EYS: variants seen among roughly 807,000 people sequenced by gnomAD.
EYS encodes protein eyes shut homolog.
Under a neutral mutation model 282.1 loss-of-function variants are expected in EYS, and 250 were observed. The ratio of observed to expected loss-of-function variants is 0.89; its 90% CI spans 0.80 to 0.98. The LOEUF (loss-of-function observed/expected upper bound fraction) is 0.98. EYS is among the 50% of genes least tolerant of loss of function. The pLI, the probability that EYS is intolerant of heterozygous loss-of-function variation, is 0.00. For synonymous variants in EYS, 1,355 were observed against 1,282.9 expected (o/e 1.06, Z -1.20); for missense variants, 4,016 against 3,709.0 (o/e 1.08, Z -2.15).
At chr6:64,393,130 C>T (rs1438753725) in intron 28 of EYS, among the ~76,000 whole-genome samples, 4 of 152,052 alleles carry the variant, frequency 2.6e-5, no homozygotes, top group Non-Finnish European at 4.4e-5. Flanking sequence ...GAAATTGTGG[C>T]AATAATCAAT....
intron 22 of EYS, among the ~76,000 whole-genome samples, chr6:64,799,738 A>C (rs1346818195): frequency 6.6e-6 from 1 of 151,220 alleles, no homozygotes; most frequent in Non-Finnish European, 1.5e-5. Context: ...CAAATAAAAA[A>C]TGTTACAGGA....
chr6:64,511,948 A>G (rs2150519804), intron 26 of EYS, among the ~76,000 whole-genome samples: 1 of 152,174 alleles, frequency 6.6e-6, no homozygotes, highest in Non-Finnish European at 1.5e-5. Flanking sequence ...ACTCATGGGA[A>G]TGGCAGTATC....
chr6:65,142,741 C>T (rs561055381), intron 12 of EYS, among the ~76,000 whole-genome samples: 7 of 151,680 alleles, frequency 4.6e-5, no homozygotes, highest in South Asian at 2.1e-4. Flanking sequence ...GCCAAGGAGA[C>T]ATACTGAATA....
intron 13 of EYS, 128 bp downstream of exon 13, chr6:65,057,486 G>C: frequency 2.8e-6 from 2 of 704,808 alleles, no homozygotes; most frequent in Non-Finnish European, 5.1e-6. Flanking sequence ...GGTCACTTTA[G>C]AAGCTGACTT....
intron 2 of EYS, among the ~76,000 whole-genome samples, chr6:65,540,953 T>A (rs1211063910): frequency 2.6e-5 from 4 of 152,124 alleles, no homozygotes; most frequent in African/African-American, 9.7e-5. Context: ...TAATTAAAAA[T>A]CACTACCATA....
chr6:65,105,283 T>A (rs1282996006), intron 12 of EYS, among the ~76,000 whole-genome samples: 1 of 151,684 alleles, frequency 6.6e-6, no homozygotes, highest in Admixed American at 6.6e-5. Context: ...TTCAGTCTTC[T>A]ACTGACTACA....
intron 12 of EYS, among the ~76,000 whole-genome samples, chr6:65,060,068 A>C (rs1257814905): frequency 6.6e-6 from 1 of 151,958 alleles, no homozygotes; most frequent in Non-Finnish European, 1.5e-5. Context: ...TATTTCTAAA[A>C]GACAAATGTG....
chr6:64,082,909 CT>C (rs1772021410), intron 31 of EYS, among the ~76,000 whole-genome samples: 2 of 139,386 alleles, frequency 1.4e-5, no homozygotes, highest in African/African-American at 5.1e-5. Context: ...GAAAATGCAA[CT>C]TCTTTTTTTT....
At chr6:64,451,672 G>A (rs1775350566) in intron 26 of EYS, among the ~76,000 whole-genome samples, 2 of 152,106 alleles carry the variant, frequency 1.3e-5, no homozygotes, top group African/African-American at 4.8e-5. Context: ...TGATCAAGCG[G>A]GCTTCATCCC....
intron 18 of EYS, among the ~76,000 whole-genome samples, chr6:64,895,842 T>C (rs1183380065): frequency 6.6e-6 from 1 of 152,128 alleles, no homozygotes; most frequent in African/African-American, 2.4e-5. Flanking sequence ...CTGATGCATC[T>C]ACATATAAAG....
chr6:63,829,076 C>T (rs1469238348), intron 36 of EYS, among the ~76,000 whole-genome samples: 2 of 152,180 alleles, frequency 1.3e-5, no homozygotes, highest in African/African-American at 4.8e-5. Context: ...ATGGAACCAA[C>T]CCAAATGCCA....
At chr6:64,376,497 T>G (rs1354248317) in intron 29 of EYS, among the ~76,000 whole-genome samples, 1 of 152,204 alleles carries the variant, frequency 6.6e-6, no homozygotes, top group Admixed American at 6.5e-5. Context: ...TCTTAGAAAC[T>G]TCCCTGCTCC....
chr6:63,840,947 C>G (rs1771940479), intron 36 of EYS, among the ~76,000 whole-genome samples: 1 of 152,092 alleles, frequency 6.6e-6, no homozygotes, highest in Non-Finnish European at 1.5e-5. Context: ...CTAGCTTTGA[C>G]TATATTTTGA....
intron 2 of EYS, among the ~76,000 whole-genome samples, chr6:65,581,385 C>T (rs115567645): frequency 0.014 from 2,073 of 151,800 alleles, 36 homozygotes; most frequent in African/African-American, 0.034. Context: ...GCTATATTTG[C>T]TCTATTTCTA....
At chr6:65,501,066 A>G (rs1189844520) in intron 2 of EYS, among the ~76,000 whole-genome samples, 1 of 152,056 alleles carries the variant, frequency 6.6e-6, no homozygotes, top group Non-Finnish European at 1.5e-5. Context: ...TAATCCACAC[A>G]CTCTATGAGT....
chr6:64,742,688 C>T (rs1361522581), intron 22 of EYS, among the ~76,000 whole-genome samples: 1 of 152,090 alleles, frequency 6.6e-6, no homozygotes, highest in Non-Finnish European at 1.5e-5. Context: ...TATTCTCAAG[C>T]TTATTGAGTT....
At chr6:64,088,115 T>C (rs2150249796) in intron 31 of EYS, among the ~76,000 whole-genome samples, 1 of 152,208 alleles carries the variant, frequency 6.6e-6, no homozygotes, top group African/African-American at 2.4e-5. Context: ...TTAATTTTCA[T>C]TATCACCGTG....
intron 2 of EYS, among the ~76,000 whole-genome samples, chr6:65,504,744 A>G (rs1383073002): frequency 1.3e-5 from 2 of 151,554 alleles, no homozygotes; most frequent in Admixed American, 6.6e-5. Context: ...GGAATAAATT[A>G]CTGTTTATTT....
chr6:65,278,915 C>G (rs1390545087), intron 12 of EYS, among the ~76,000 whole-genome samples: 1 of 151,924 alleles, frequency 6.6e-6, no homozygotes, highest in African/African-American at 2.4e-5. Flanking sequence ...GTGGCCCAGC[C>G]CGGTGGCTCC....
Sources: gnomAD v4.1 joint callset for allele counts (sites outside exome capture counted in the v4.1 genomes callset) on GRCh38, gnomAD v4.1.1 for gene constraint, MANE v1.5 for transcripts, NCBI Gene and HGNC (gene_info 2026-07-23, HGNC 2026-07-21) for gene names.